The following DOCK1 variants were observed in gnomAD, a reference collection of about 807,000 sequenced individuals.
DOCK1 encodes dedicator of cytokinesis 1.
DOCK1 carries 138 observed loss-of-function variants against 262.7 expected under a neutral mutation model. That is an observed-to-expected ratio of 0.53 (90% CI 0.46 to 0.61). DOCK1 has a LOEUF of 0.61. DOCK1 is among the 20% of genes least tolerant of loss of function. The pLI, the probability that DOCK1 is intolerant of heterozygous loss-of-function variation, is 0.00. For synonymous variants in DOCK1, 866 were observed against 867.4 expected (o/e 1.00, Z 0.03); for missense variants, 1,908 against 2,370.7 (o/e 0.80, Z 4.05).
chr10:127,105,990 C>A (rs2048506647), intron 23 of DOCK1, among the ~76,000 whole-genome samples: 1 of 152,082 alleles, frequency 6.6e-6, no homozygotes, highest in Non-Finnish European at 1.5e-5. Flanking sequence ...GTCTCGAACT[C>A]CTGAGCTGAA....
chr10:127,060,652 GC>G (rs1196767790), intron 22 of DOCK1, among the ~76,000 whole-genome samples: 1 of 152,118 alleles, frequency 6.6e-6, no homozygotes, highest in East Asian at 1.9e-4. Context: ...TGAAGTAACT[GC>G]TAATAAATAA....
intron 27 of DOCK1, among the ~76,000 whole-genome samples, chr10:127,140,397 G>A (rs935552823): frequency 1.3e-5 from 2 of 152,206 alleles, no homozygotes; most frequent in African/African-American, 4.8e-5. Flanking sequence ...TTATGAGTCT[G>A]TGAGTGCCCA....
intron 27 of DOCK1, among the ~76,000 whole-genome samples, chr10:127,161,364 G>A (rs1473923856): frequency 6.6e-6 from 1 of 152,204 alleles, no homozygotes; most frequent in African/African-American, 2.4e-5. Flanking sequence ...GGCTTTTGGT[G>A]ATGGTTTGTC....
intron 29 of DOCK1, among the ~76,000 whole-genome samples, chr10:127,296,585 C>T (rs1464030288): frequency 2.0e-5 from 3 of 152,334 alleles, no homozygotes; most frequent in African/African-American, 4.8e-5. Flanking sequence ...AAGAATCTTC[C>T]AGATTCCTGC....
At chr10:127,135,518 C>G (rs536788644) in intron 27 of DOCK1, 16 of 152,584 alleles carry the variant, frequency 1.0e-4, no homozygotes, top group Non-Finnish European at 2.1e-4. Flanking sequence ...ATGTGTACAT[C>G]TACATAAGGG....
At chr10:127,036,040 A>G (rs9418720) in intron 18 of DOCK1, among the ~76,000 whole-genome samples, 1 of 137,282 alleles carries the variant, frequency 7.3e-6, no homozygotes, top group Admixed American at 7.3e-5. Flanking sequence ...ATAAATAAAT[A>G]AATAAAAAAG....
intron 23 of DOCK1, among the ~76,000 whole-genome samples, chr10:127,080,879 C>A (rs577185651): frequency 6.6e-6 from 1 of 152,192 alleles, no homozygotes; most frequent in Non-Finnish European, 1.5e-5. Context: ...TCTCCGCCCC[C>A]CAGTGTGTAG....
At chr10:126,992,289 G>T (rs2039846096) in intron 6 of DOCK1, among the ~76,000 whole-genome samples, 1 of 152,066 alleles carries the variant, frequency 6.6e-6, no homozygotes, top group South Asian at 2.1e-4. Flanking sequence ...TAATTTGGCT[G>T]CAGGAAGCTA....
chr10:126,952,896 T>C (rs2036418566), intron 1 of DOCK1, among the ~76,000 whole-genome samples: 1 of 152,054 alleles, frequency 6.6e-6, no homozygotes, highest in African/African-American at 2.4e-5. Context: ...GTATTGTAGG[T>C]GATGGTGGTG....
chr10:127,050,961 T>C (rs1345155299), intron 21 of DOCK1, among the ~76,000 whole-genome samples: 1 of 152,110 alleles, frequency 6.6e-6, no homozygotes, highest in Non-Finnish European at 1.5e-5. Flanking sequence ...CCTTCATCTT[T>C]AGCAAGGAAT....
chr10:127,004,148 G>C (rs2040812563), intron 10 of DOCK1, among the ~76,000 whole-genome samples: 1 of 151,896 alleles, frequency 6.6e-6, no homozygotes, highest in Non-Finnish European at 1.5e-5. Context: ...CAGCTACTCA[G>C]GAGTCTGAGG....
intron 23 of DOCK1, among the ~76,000 whole-genome samples, chr10:127,063,038 T>C (rs147583634): frequency 1.2e-3 from 183 of 152,348 alleles, no homozygotes; most frequent in African/African-American, 4.2e-3. Flanking sequence ...CCCCACAATC[T>C]TGGTTATCCT....
At chr10:127,223,202 G>C (rs1326237038) in intron 27 of DOCK1, among the ~76,000 whole-genome samples, 1 of 151,928 alleles carries the variant, frequency 6.6e-6, no homozygotes, top group Non-Finnish European at 1.5e-5. Context: ...TCAAAATTTG[G>C]AACAACATAA....
At chr10:127,212,204 C>T (rs2058012487) in intron 27 of DOCK1, among the ~76,000 whole-genome samples, 1 of 152,090 alleles carries the variant, frequency 6.6e-6, no homozygotes, top group African/African-American at 2.4e-5. Context: ...TACAAGGCGG[C>T]TTTCCGTGAT....
intron 50 of DOCK1, among the ~76,000 whole-genome samples, chr10:127,445,106 T>A (rs1256816127): frequency 6.6e-6 from 1 of 151,830 alleles, no homozygotes; most frequent in Non-Finnish European, 1.5e-5. Flanking sequence ...CCCTAAGAGG[T>A]CTACATTTTG....
intron 1 of DOCK1, among the ~76,000 whole-genome samples, chr10:126,909,562 G>A (rs1414672007): frequency 6.6e-6 from 1 of 152,176 alleles, no homozygotes; most frequent in Non-Finnish European, 1.5e-5. Flanking sequence ...GTGAACCCAA[G>A]TGTGCTCTTC....
At chr10:127,362,964 C>G (rs1565027187) in intron 33 of DOCK1, among the ~76,000 whole-genome samples, 4 of 14,032 alleles carry the variant, frequency 2.9e-4, no homozygotes, top group Admixed American at 7.7e-4. Flanking sequence ...TGTGCATCCC[C>G]ACATACACAT....
At chr10:127,280,035 A>ATATATAT (rs2060894873) in intron 29 of DOCK1, among the ~76,000 whole-genome samples, 2 of 59,788 alleles carry the variant, frequency 3.3e-5, no homozygotes, top group Admixed American at 1.5e-4. Flanking sequence ...TATATATATA[A>ATATATAT]TTTTTTTTTT....
chr10:127,433,423 C>A lies in DOCK1; in HGVS notation c.5055C>A (p.Ser1685=). ...ACAGCACCCCTTCCAGACCAGGCTC[C>A]GACGGGTGAGTCAAGCTCACAGCAG... ...SSDSTPSRPG[S]DGFALEPLLP... Residue 1685 remains serine (S), a synonymous_variant, in exon 48 of 52, where the codon TCC becomes TCA. Coordinates refer to ENST00000623213, the MANE Select transcript of DOCK1 (RefSeq NM_001290223.2). The A allele has an allele frequency of 6.2e-7, 1 of 1,613,926 alleles. No individual in the cohort carries two copies. The highest frequency in any genetic ancestry group is 8.5e-7 in the Non-Finnish European group (1 of 1,179,886).
Sources: allele counts gnomAD v4.1 joint callset (sites outside exome capture counted in the v4.1 genomes callset), GRCh38; gene constraint gnomAD v4.1.1; transcripts MANE v1.5; gene names NCBI Gene and HGNC (gene_info 2026-07-23, HGNC 2026-07-21).